The following PACSIN2 variants were observed in gnomAD, a reference collection of about 807,000 sequenced individuals.
PACSIN2 encodes protein kinase C and casein kinase substrate in neurons protein 2.
Under a neutral mutation model 63.8 loss-of-function variants are expected in PACSIN2, and 25 were observed. The ratio of observed to expected loss-of-function variants is 0.39; its 90% confidence interval spans 0.29 to 0.55. The LOEUF (loss-of-function observed/expected upper bound fraction) is 0.55. PACSIN2 is among the 20% of genes least tolerant of loss of function. The pLI, the probability that PACSIN2 is intolerant of heterozygous loss-of-function variation, is 0.62. For synonymous variants in PACSIN2, 255 were observed against 256.2 expected (o/e 1.00, Z 0.05); for missense variants, 518 against 646.9 (o/e 0.80, Z 2.16).
intron 1 of PACSIN2, among the ~76,000 whole-genome samples, chr22:42,980,381 C>A (rs1015278555): frequency 1.3e-5 from 2 of 152,104 alleles, no homozygotes; most frequent in East Asian, 3.9e-4. Context: ...TTGTCATGGT[C>A]ATTAGGAGGT....
At chr22:42,873,791 T>C (rs984072788) in intron 10 of PACSIN2, among the ~76,000 whole-genome samples, 1 of 138,958 alleles carries the variant, frequency 7.2e-6, no homozygotes, top group African/African-American at 2.7e-5. Flanking sequence ...GATAGCAATT[T>C]TCTTTCCTTT....
intron 1 of PACSIN2, among the ~76,000 whole-genome samples, chr22:42,977,605 TGG>T (rs1921795021): frequency 2.0e-5 from 3 of 152,216 alleles, no homozygotes; most frequent in Admixed American, 1.3e-4. Flanking sequence ...GGGGTTGATA[TGG>T]TTAGGCTCTG....
chr22:42,957,623 CCTTT>C (rs1933967927), intron 1 of PACSIN2, among the ~76,000 whole-genome samples: 1 of 152,094 alleles, frequency 6.6e-6, no homozygotes, highest in Non-Finnish European at 1.5e-5. Context: ...ATCGTTTTCT[CCTTT>C]ATTTATATTA....
chr22:42,942,100 CTTTTTTT>C (rs11404921), intron 1 of PACSIN2, among the ~76,000 whole-genome samples: 1 of 132,182 alleles, frequency 7.6e-6, no homozygotes, highest in Non-Finnish European at 1.6e-5. Flanking sequence ...TTTAAGAGTT[CTTTTTTT>C]TTTTTTTTTT....
At position 42,871,335 on chromosome 22, in the gene PACSIN2, C is replaced by A. The variant is rs1467746184; in HGVS notation, c.*22G>T. 5 of 1,541,408 alleles carry A rather than the reference C, an allele frequency of 3.2e-6. No individual in the cohort carries two copies. The highest frequency in any genetic ancestry group is 3.6e-6 in the Non-Finnish European group (4 of 1,113,744). On this transcript the variant is annotated 3_prime_UTR_variant, in exon 11 of 11. Coordinates refer to ENST00000263246, the MANE Select transcript of PACSIN2 (RefSeq NM_001184970.3). This position sits in a 1 kb window ranked among gnomAD's most constrained non-coding sequence, Gnocchi z 5.4. The stretch of plus-strand genomic sequence containing the variant: ...TCCTGGGCCCGCCGCCTCCGTCCCC[C>A]CGCTGGCCTGTCCCCGACTCATCAC...
chr22:42,908,668 G>A (rs1931246374), intron 2 of PACSIN2, among the ~76,000 whole-genome samples: 1 of 152,196 alleles, frequency 6.6e-6, no homozygotes, highest in Non-Finnish European at 1.5e-5. Flanking sequence ...CCCCGCCACT[G>A]TAATCCCACA....
At chr22:42,879,932 A>G (rs894655838) in intron 7 of PACSIN2, among the ~76,000 whole-genome samples, 7 of 152,100 alleles carry the variant, frequency 4.6e-5, no homozygotes, top group Non-Finnish European at 1.0e-4. Flanking sequence ...AAAGCAGAGT[A>G]CGCTCCTCCT....
chr22:42,915,015 T>C (rs1931720676), intron 1 of PACSIN2, among the ~76,000 whole-genome samples: 1 of 152,094 alleles, frequency 6.6e-6, no homozygotes, highest in Non-Finnish European at 1.5e-5. Flanking sequence ...AGGCACGTGC[T>C]GCCAGGCCCA....
At chr22:42,926,672 GAAA>G (rs56964351) in intron 1 of PACSIN2, among the ~76,000 whole-genome samples, 1 of 145,828 alleles carries the variant, frequency 6.9e-6, no homozygotes, top group African/African-American at 2.5e-5. Context: ...CTTCCCACAG[GAAA>G]AAAAAAAAAA....
intron 1 of PACSIN2, among the ~76,000 whole-genome samples, chr22:42,923,628 C>T (rs1010254381): frequency 1.3e-5 from 2 of 152,250 alleles, no homozygotes; most frequent in African/African-American, 2.4e-5. Flanking sequence ...GGGGTTTCAC[C>T]GTGTCAGCCA....
intron 1 of PACSIN2, among the ~76,000 whole-genome samples, chr22:42,916,311 G>T (rs544640150): frequency 6.7e-6 from 1 of 148,910 alleles, no homozygotes; most frequent in Admixed American, 7.0e-5. Flanking sequence ...TGGGGGACAA[G>T]AATCTGCACC....
intron 1 of PACSIN2, chr22:42,959,484 T>G (rs1249627776): frequency 6.6e-6 from 1 of 152,260 alleles, no homozygotes; most frequent in African/African-American, 2.4e-5. Flanking sequence ...CACGCACGTA[T>G]GTTCTAAAAC....
chr22:42,921,562 A>C (rs9607980), intron 1 of PACSIN2, among the ~76,000 whole-genome samples: 64,930 of 151,726 alleles, frequency 0.43, 14,498 homozygotes, highest in Non-Finnish European at 0.48. Context: ...TTCAAACTGA[A>C]ATCAGGGGAA....
intron 4 of PACSIN2, 141 bp downstream of exon 4, chr22:42,890,806 G>A: frequency 1.6e-6 from 1 of 640,368 alleles, no homozygotes; most frequent in Non-Finnish European, 2.8e-6. Context: ...CTTCTAGCCT[G>A]AGGAGTGGCT....
chr22:43,014,760 CCCCCGCCCCTT>C (rs1411146063), intron 1 of PACSIN2, among the ~76,000 whole-genome samples: 1 of 151,644 alleles, frequency 6.6e-6, no homozygotes, highest in Non-Finnish European at 1.5e-5. Context: ...CCCCCATGGG[CCCCCGCCCCTT>C]CCCCGAGCCG....
intron 1 of PACSIN2, among the ~76,000 whole-genome samples, chr22:42,918,629 C>T (rs1931963528): frequency 6.6e-6 from 1 of 152,204 alleles, no homozygotes; most frequent in Admixed American, 6.5e-5. Context: ...CTCCACGCTG[C>T]CCAACTCCAA....
At chr22:42,904,882 C>T (rs554194921) in intron 2 of PACSIN2, among the ~76,000 whole-genome samples, 2 of 152,252 alleles carry the variant, frequency 1.3e-5, no homozygotes, top group Non-Finnish European at 1.5e-5. Flanking sequence ...CCCCCCTGCA[C>T]TGTGCCCAGC....
chr22:42,900,565 C>T (rs769810432), intron 2 of PACSIN2, among the ~76,000 whole-genome samples: 2 of 152,218 alleles, frequency 1.3e-5, no homozygotes, highest in Non-Finnish European at 2.9e-5. Flanking sequence ...GCGCAACCTT[C>T]CCGTCCGAAG....
intron 5 of PACSIN2, among the ~76,000 whole-genome samples, chr22:42,885,803 T>C (rs1229706952): frequency 3.9e-5 from 6 of 152,140 alleles, no homozygotes; most frequent in African/African-American, 7.2e-5. Flanking sequence ...CCTCCTAAGA[T>C]GGCTGGGCTT....
Sources: allele counts gnomAD v4.1 joint callset (sites outside exome capture counted in the v4.1 genomes callset), GRCh38; gene constraint gnomAD v4.1.1; non-coding constraint Gnocchi (gnomAD v3.1); transcripts MANE v1.5; gene names NCBI Gene and HGNC (gene_info 2026-07-23, HGNC 2026-07-21).